MACROH2A2: variants seen among roughly 807,000 people sequenced by gnomAD.
MACROH2A2 encodes the protein core histone macro-H2A.2.
MACROH2A2 carries 6 observed loss-of-function variants against 37.6 expected under a neutral mutation model. The ratio of observed to expected loss-of-function variants is 0.16; its 90% CI spans 0.09 to 0.32. MACROH2A2 has a LOEUF of 0.32. Among genes scored for constraint, MACROH2A2 ranks in the 10% least tolerant of loss-of-function variants. The pLI, the probability that MACROH2A2 is intolerant of heterozygous loss-of-function variation, is 1.00. For synonymous variants in MACROH2A2, 192 were observed against 202.7 expected (o/e 0.95, Z 0.45); for missense variants, 290 against 485.9 (o/e 0.60, Z 3.79).
At chr10:70,105,990 G>A (rs1023613633) in intron 7 of MACROH2A2, among the ~76,000 whole-genome samples, 2 of 152,178 alleles carry the variant, frequency 1.3e-5, no homozygotes, top group African/African-American at 4.8e-5. Context: ...AGAGAGAAGA[G>A]CACTGGGCCC....
chr10:70,076,440 A>C (rs1236451339), intron 2 of MACROH2A2, among the ~76,000 whole-genome samples: 3 of 152,226 alleles, frequency 2.0e-5, no homozygotes, highest in Non-Finnish European at 2.9e-5. Flanking sequence ...TTTTACTGAA[A>C]GATGAGATTT....
chr10:70,066,596 A>G (rs1406835688), intron 1 of MACROH2A2, among the ~76,000 whole-genome samples: 1 of 152,180 alleles, frequency 6.6e-6, no homozygotes, highest in East Asian at 1.9e-4. Flanking sequence ...TACAAAGAAC[A>G]ATGTGATTGA....
chr10:70,057,978 AG>A (rs2072027877), intron 1 of MACROH2A2, among the ~76,000 whole-genome samples: 1 of 152,186 alleles, frequency 6.6e-6, no homozygotes, highest in African/African-American at 2.4e-5. Flanking sequence ...ATGACCCCAA[AG>A]CCCTACATCC....
At chr10:70,058,432 A>G (rs2072029803) in intron 1 of MACROH2A2, among the ~76,000 whole-genome samples, 1 of 152,236 alleles carries the variant, frequency 6.6e-6, no homozygotes, top group Admixed American at 6.5e-5. Context: ...TACACTGACC[A>G]CATTTATTCA....
intron 4 of MACROH2A2, 86 bp downstream of exon 4, chr10:70,092,040 ACCTAAC>A (rs2072248578): frequency 9.3e-7 from 1 of 1,080,028 alleles, no homozygotes; most frequent in South Asian, 1.4e-5. Context: ...ATATGTTGAA[ACCTAAC>A]CCCAGAGGCA....
chr10:70,106,904 A>T (rs2072341382), intron 7 of MACROH2A2, among the ~76,000 whole-genome samples: 1 of 152,168 alleles, frequency 6.6e-6, no homozygotes, highest in African/African-American at 2.4e-5. Context: ...CCATGACTGT[A>T]ACAAGCCAAA....
chr10:70,090,942 T>G (rs1197789412), intron 3 of MACROH2A2, among the ~76,000 whole-genome samples: 1 of 152,262 alleles, frequency 6.6e-6, no homozygotes, highest in African/African-American at 2.4e-5. Context: ...TGGTTTCGAA[T>G]CTGCAGAATA....
At chr10:70,064,119 A>G (rs2072064962) in intron 1 of MACROH2A2, among the ~76,000 whole-genome samples, 1 of 152,236 alleles carries the variant, frequency 6.6e-6, no homozygotes, top group Admixed American at 6.5e-5. Context: ...CTGTAATCCC[A>G]GTATTTTGGG....
At chr10:70,058,138 G>C (rs2072028599) in intron 1 of MACROH2A2, among the ~76,000 whole-genome samples, 1 of 152,200 alleles carries the variant, frequency 6.6e-6, no homozygotes, top group South Asian at 2.1e-4. Flanking sequence ...AAGAATATGA[G>C]ACTGAGCCAC....
At chr10:70,096,026 C>CACT (rs1185576765) in intron 6 of MACROH2A2, among the ~76,000 whole-genome samples, 1 of 152,146 alleles carries the variant, frequency 6.6e-6, no homozygotes, top group Non-Finnish European at 1.5e-5. Flanking sequence ...CACTTTGCAA[C>CACT]CAGCACCAAG....
At chr10:70,106,189 G>A (rs1363919400) in intron 7 of MACROH2A2, among the ~76,000 whole-genome samples, 1 of 152,194 alleles carries the variant, frequency 6.6e-6, no homozygotes, top group Non-Finnish European at 1.5e-5. Context: ...GGTTCTAGAA[G>A]CTCCCAGCAG....
intron 1 of MACROH2A2, among the ~76,000 whole-genome samples, chr10:70,066,280 A>G (rs917165615): frequency 6.6e-6 from 1 of 152,204 alleles, no homozygotes; most frequent in Non-Finnish European, 1.5e-5. Context: ...GTGAGCCGTG[A>G]TTATACCACT....
At chr10:70,100,071 C>G in intron 6 of MACROH2A2, 137 bp from the exon 7 acceptor site, 1 of 551,084 alleles carries the variant, frequency 1.8e-6, no homozygotes, top group East Asian at 3.0e-5. Flanking sequence ...ACTGGCAAAC[C>G]AGGATAACAA....
chr10:70,079,550 T>C (rs1229561777), intron 2 of MACROH2A2, among the ~76,000 whole-genome samples: 5 of 108,832 alleles, frequency 4.6e-5, no homozygotes, highest in African/African-American at 1.5e-4. Flanking sequence ...ACGTTGAGGG[T>C]TCGCGCGCGC....
intron 1 of MACROH2A2, among the ~76,000 whole-genome samples, chr10:70,062,203 C>T (rs561798806): frequency 7.2e-4 from 109 of 152,168 alleles, no homozygotes; most frequent in African/African-American, 2.6e-3. Flanking sequence ...TATTGAATCC[C>T]CTCATTTCCT....
chr10:70,082,209 C>T (rs544889451), intron 2 of MACROH2A2, among the ~76,000 whole-genome samples: 5 of 152,108 alleles, frequency 3.3e-5, no homozygotes, highest in East Asian at 1.9e-4. Context: ...CACCTGAGAT[C>T]GGGAGTTCGA....
intron 7 of MACROH2A2, among the ~76,000 whole-genome samples, chr10:70,102,050 C>T (rs1262330397): frequency 6.6e-6 from 1 of 152,196 alleles, no homozygotes; most frequent in Non-Finnish European, 1.5e-5. Flanking sequence ...CCAATCAGTT[C>T]ACTCCTTGTA....
intron 5 of MACROH2A2, among the ~76,000 whole-genome samples, chr10:70,095,235 G>A (rs1180025362): frequency 6.6e-6 from 1 of 152,106 alleles, no homozygotes; most frequent in African/African-American, 2.4e-5. Context: ...GGGCATGGTG[G>A]CGGGCGCCTG....
chr10:70,056,065 G>A (rs999198720), intron 1 of MACROH2A2, among the ~76,000 whole-genome samples: 6 of 152,046 alleles, frequency 3.9e-5, no homozygotes, highest in Admixed American at 2.6e-4. Context: ...ATATTAAAAC[G>A]ATATAAAATT....
Sources: gnomAD v4.1 joint callset for allele counts (sites outside exome capture counted in the v4.1 genomes callset) on GRCh38, gnomAD v4.1.1 for gene constraint, MANE v1.5 for transcripts, NCBI Gene and HGNC (gene_info 2026-07-23, HGNC 2026-07-21) for gene names.